The following RAD54B variants were observed in gnomAD, a reference collection of about 807,000 sequenced individuals.
RAD54B encodes DNA repair and recombination protein RAD54B.
In RAD54B, 78 loss-of-function variants were observed where a neutral mutation model predicts 95.8. The observed-to-expected ratio is 0.81, with a 90% CI of 0.68 to 0.98. RAD54B has a LOEUF of 0.98. Ranked by LOEUF, RAD54B falls within the 50% of genes least tolerant of loss-of-function variation. RAD54B has a pLI of 0.00. For synonymous variants in RAD54B, 328 were observed against 354.9 expected (o/e 0.92, Z 0.85); for missense variants, 957 against 1,056.6 (o/e 0.91, Z 1.31).
At chr8:94,384,684 A>T (rs1380666285) in intron 11 of RAD54B, among the ~76,000 whole-genome samples, 3 of 152,220 alleles carry the variant, frequency 2.0e-5, no homozygotes, top group Admixed American at 6.5e-5. Flanking sequence ...ATATTACCAC[A>T]ATTTTTTTTT....
Position 94,439,022 on chromosome 8 carries a change from G to A in RAD54B, c.304+19246C>T, listed in dbSNP as rs118003515. On this transcript the variant is annotated intron_variant, in intron 3 of 14. Transcript: ENST00000336148. The stretch of plus-strand genomic sequence containing the variant: ...TGGAAGGATCACTTGAGCTCAAGAG[G>A]TTGAGGCTGCACTAAGCCATAATCA... Among the ~76,000 whole-genome samples, 126 of 152,206 alleles carry A rather than the reference G, an allele frequency of 8.3e-4. No homozygotes were observed. In the East Asian group the frequency reaches 0.014, roughly 17 times the overall value.
chr8:94,445,099 G>C (rs1812489160), intron 3 of RAD54B, among the ~76,000 whole-genome samples: 2 of 152,142 alleles, frequency 1.3e-5, no homozygotes, highest in Non-Finnish European at 2.9e-5. Context: ...TGGAAGCTAG[G>C]AAGTCCAAGA....
Position 94,404,199 on chromosome 8 carries a change from C to A in RAD54B, c.822G>T (p.Trp274Cys). 6.2e-7 allele frequency: 1 copy of A among 1,609,346 alleles called. No individual in the cohort carries two copies. Among genetic ancestry groups the A allele is most frequent in the African/African-American group, 1.3e-5 (1 of 74,834 alleles). ...GAGGGAAACAGTTCTTATTGAATAC[C>A]CACTGGTGATTCTTATCTGGTCGTG... ...VMPRPDKNHQ[W>C]VFNKNCFPLV... is the part of the protein sequence containing the mutation. The change falls in exon 6 of 15, where the codon TGG becomes TGT. Residue 274 changes from tryptophan to cysteine, a missense_variant. By Grantham distance (215) the Trp-to-Cys change is radical. Coordinates refer to ENST00000336148, the MANE Select transcript of RAD54B (RefSeq NM_012415.3).
At chr8:94,420,134 A>G (rs1014227725) in intron 3 of RAD54B, among the ~76,000 whole-genome samples, 1 of 152,134 alleles carries the variant, frequency 6.6e-6, no homozygotes, top group Non-Finnish European at 1.5e-5. Flanking sequence ...ATGTTCACAC[A>G]TCAACGAAAT....
At position 94,393,777 on chromosome 8, in the gene RAD54B, G is replaced by T; in HGVS notation, c.1484C>A (p.Pro495His). ...AGAAGGTTCTCTCGATAAAATGATG[G>T]GTTCTTCATATATTTTCCTATAAGA... ...LSSYRKIYEE[P>H]IILSREPSAS... Residue 495 changes from proline (P) to histidine (H), a missense_variant, in exon 9 of 15, where the codon CCC becomes CAC. Transcript: ENST00000336148. 6.3e-7 allele frequency: 1 copy of T among 1,584,496 alleles called. No individual in the cohort carries two copies. The highest frequency in any genetic ancestry group is 8.7e-7 in the Non-Finnish European group (1 of 1,155,424).
chr8:94,443,694 C>A lies in RAD54B; in HGVS notation c.304+14574G>T, dbSNP rs80314508. Among the ~76,000 whole-genome samples, 397 of 151,980 alleles carry A rather than the reference C, an allele frequency of 2.6e-3. 2 individuals carry two copies. The highest frequency in any genetic ancestry group is 9.1e-3 in the African/African-American group (376 of 41,454). On this transcript the variant is annotated intron_variant, in intron 3 of 14. Coordinates refer to ENST00000336148, the MANE Select transcript of RAD54B (RefSeq NM_012415.3). ...ACCATTTGTCTCACTGCCTCTCTTA[C>A]CTTCCTTTGTCCCTTCTGCTTGCTC... is the stretch of plus-strand genomic sequence containing the variant.
chr8:94,434,835 G>C (rs1812211808), intron 3 of RAD54B, among the ~76,000 whole-genome samples: 1 of 151,482 alleles, frequency 6.6e-6, no homozygotes, highest in Non-Finnish European at 1.5e-5. Flanking sequence ...CATAGGTATA[G>C]AAATGTACAA....
chr8:94,449,280 C>A, intron 3 of RAD54B, among the ~76,000 whole-genome samples: 1 of 151,372 alleles, frequency 6.6e-6, no homozygotes. Flanking sequence ...GTTGTTGCCT[C>A]TTCCCTTGAG....
At chr8:94,414,584 T>C (rs1041177186) in intron 3 of RAD54B, among the ~76,000 whole-genome samples, 2 of 152,186 alleles carry the variant, frequency 1.3e-5, no homozygotes, top group Admixed American at 1.3e-4. Context: ...ATTGAGATAA[T>C]CATGTGGTTT....
chr8:94,459,070 T>G (rs1812841337), intron 2 of RAD54B, among the ~76,000 whole-genome samples: 1 of 152,130 alleles, frequency 6.6e-6, no homozygotes, highest in South Asian at 2.1e-4. Flanking sequence ...TCTTGTTAAA[T>G]TTCTCAATAC....
In RAD54B at chr8:94,399,438, A is replaced by C; in HGVS notation, c.1354T>G (p.Cys452Gly). The part of the protein sequence containing the change: ...KTTTALISLS[C>G]EKRIILTGTP... Reference sequence around the variant, plus strand: ...CCAGTTAGAATTATTCTTTTCTCACAAGAAAGGCTAATGAGGGCTGTAGTT... The same window carrying C: ...CCAGTTAGAATTATTCTTTTCTCACCAGAAAGGCTAATGAGGGCTGTAGTT... Residue 452 changes from cysteine (C) to glycine (G), a missense_variant, in exon 8 of 15, where the codon TGT (cysteine) becomes GGT (glycine). Physicochemically the swap from Cys to Gly is radical, Grantham distance 159. Transcript: ENST00000336148. 1 of 1,613,456 alleles carries C rather than the reference A, an allele frequency of 6.2e-7. No individual in the cohort carries two copies. The highest frequency in any genetic ancestry group is 8.5e-7 in the Non-Finnish European group (1 of 1,179,610).
At chr8:94,430,915 A>C in intron 3 of RAD54B, 1 of 985,410 alleles carries the variant, frequency 1.0e-6, no homozygotes, top group Non-Finnish European at 1.2e-6. Context: ...TCAATGGCTT[A>C]GCACTGCATT....
In RAD54B at chr8:94,475,025, T is replaced by G. The variant is rs941330390; in HGVS notation, c.-41A>C. 6.6e-6 allele frequency: 1 copy of G among 152,410 alleles called. No individual in the cohort carries two copies. The highest frequency in any genetic ancestry group is 1.5e-5 in the Non-Finnish European group (1 of 68,190). The allele number at this position is 152,410 out of a possible 1,614,324, so 9.4% of individuals were successfully genotyped here. ...CCGGCGAAAATCTGACAGAAACCAC[T>G]GGCCCTGCAAAGAAGTCCTTCTGGT... On this transcript the variant is annotated 5_prime_UTR_variant, in exon 1 of 15. Coordinates refer to ENST00000336148, the MANE Select transcript of RAD54B (RefSeq NM_012415.3).
At chr8:94,437,103 G>C (rs1476691744) in intron 3 of RAD54B, among the ~76,000 whole-genome samples, 1 of 152,166 alleles carries the variant, frequency 6.6e-6, no homozygotes, top group Non-Finnish European at 1.5e-5. Context: ...AGACAGGAAG[G>C]CACAAGCAAA....
At chr8:94,380,032 AT>A in intron 12 of RAD54B, 112 bp downstream of exon 12, 1 of 1,246,384 alleles carries the variant, frequency 8.0e-7, no homozygotes, top group Non-Finnish European at 1.1e-6. Flanking sequence ...CTCACGCAAA[AT>A]AAGGGCTCTT....
intron 3 of RAD54B, among the ~76,000 whole-genome samples, chr8:94,422,530 T>C (rs1030943798): frequency 2.3e-5 from 3 of 129,494 alleles, no homozygotes; most frequent in Non-Finnish European, 3.1e-5. Context: ...GAGGTTGCAG[T>C]GAGCCGAGAA....
chr8:94,386,869 A>G (rs1810900917), intron 11 of RAD54B, 115 bp downstream of exon 11: 3 of 740,112 alleles, frequency 4.1e-6, no homozygotes, highest in Non-Finnish European at 5.9e-6. Flanking sequence ...ATATTCCCAA[A>G]GAAGAAAATA....
At chr8:94,432,190 C>T (rs1563654911) in intron 3 of RAD54B, 1 of 1,550,298 alleles carries the variant, frequency 6.5e-7, no homozygotes, top group East Asian at 2.4e-5. Flanking sequence ...AGCTTCTCCA[C>T]TTCAATTTTT....
intron 6 of RAD54B, 108 bp from the exon 7 acceptor site, chr8:94,400,571 T>C (rs955172280): frequency 1.2e-4 from 98 of 825,386 alleles, no homozygotes; most frequent in Non-Finnish European, 1.1e-5. Flanking sequence ...TGAAGACTTT[T>C]AGTACTTCAT....
Sources: gnomAD v4.1 joint callset for allele counts (sites outside exome capture counted in the v4.1 genomes callset) on GRCh38, gnomAD v4.1.1 for gene constraint, MANE v1.5 for transcripts, NCBI Gene and HGNC (gene_info 2026-07-23, HGNC 2026-07-21) for gene names.